MEIS2: variants seen among roughly 807,000 people sequenced by gnomAD.
The protein encoded by MEIS2 is homeobox protein Meis2.
A neutral mutation model predicts 58.6 loss-of-function variants in MEIS2; 9 were observed. The ratio of observed to expected loss-of-function variants is 0.15; its 90% confidence interval spans 0.09 to 0.27. The LOEUF (loss-of-function observed/expected upper bound fraction) is 0.27, where lower values mean the gene tolerates loss of function less well. Ranked by LOEUF, MEIS2 falls within the 10% of genes least tolerant of loss-of-function variation. The probability of loss-of-function intolerance (pLI) is 1.00; values close to 1 mark genes in which losing one functional copy is unlikely to be tolerated. For missense variants in MEIS2, 427 were observed against 635.0 expected, an observed-to-expected ratio of 0.67 and a Z score of 3.52; for synonymous variants, 221 against 228.4, an observed-to-expected ratio of 0.97 and a Z score of 0.29.
chr15:36,920,498 G>C (rs1203078738), intron 9 of MEIS2, among the ~76,000 whole-genome samples: 1 of 152,166 alleles, frequency 6.6e-6, no homozygotes, highest in Non-Finnish European at 1.5e-5. Context: ...AATTCTTAGA[G>C]ATCTTAGAAG....
chr15:37,076,176 G>T (rs1400358095), intron 7 of MEIS2, among the ~76,000 whole-genome samples: 1 of 151,920 alleles, frequency 6.6e-6, no homozygotes, highest in Non-Finnish European at 1.5e-5. Context: ...AAAATAAAAA[G>T]TGATTCTCCT....
intron 8 of MEIS2, among the ~76,000 whole-genome samples, chr15:36,970,100 T>C (rs1216317129): frequency 6.6e-6 from 1 of 152,160 alleles, no homozygotes; most frequent in African/African-American, 2.4e-5. Context: ...TAATATAGTT[T>C]TGTTTAAAAA....
chr15:37,057,842 G>T (rs1176264603), intron 7 of MEIS2, among the ~76,000 whole-genome samples: 6 of 152,202 alleles, frequency 3.9e-5, no homozygotes. Context: ...GCCGAGGCTT[G>T]TATCCTGTGC....
intron 9 of MEIS2, among the ~76,000 whole-genome samples, chr15:36,906,651 G>GAAAAAAAAAAAAAAAAAAAAAAAAAA (rs56715244): frequency 1.0e-5 from 1 of 96,554 alleles, no homozygotes. Context: ...AGCCACTCAA[G>GAAAAAAAAAAAAAAAAAAAAAAAAAA]AAAAAAAAAA....
At chr15:37,004,630 T>G (rs2060851225) in intron 8 of MEIS2, among the ~76,000 whole-genome samples, 1 of 152,208 alleles carries the variant, frequency 6.6e-6, no homozygotes, top group South Asian at 2.1e-4. Flanking sequence ...CCTCAAGGCC[T>G]GTCATTAGCA....
intron 8 of MEIS2, among the ~76,000 whole-genome samples, chr15:36,956,779 A>T (rs994867217): frequency 6.6e-6 from 1 of 152,078 alleles, no homozygotes; most frequent in African/African-American, 2.4e-5. Context: ...TTTACCTTTC[A>T]GTCACTTCAG....
intron 8 of MEIS2, among the ~76,000 whole-genome samples, chr15:36,964,728 G>C (rs968413589): frequency 1.3e-5 from 2 of 152,098 alleles, no homozygotes; most frequent in Non-Finnish European, 2.9e-5. Context: ...TACCCTAGTG[G>C]ATAAACATTT....
intron 2 of MEIS2, chr15:37,096,649 T>C (rs1894291394): frequency 2.2e-6 from 1 of 453,082 alleles, no homozygotes; most frequent in Non-Finnish European, 3.8e-6. Context: ...GTCCCTCAGA[T>C]CTGGCCAGAG....
rs1275126082 is a variant in MEIS2 at position 37,085,804 on chromosome 15, T to G, written c.640-1919A>C. Among the ~76,000 whole-genome samples the G allele has an allele frequency of 3.3e-5, 5 of 152,298 alleles. No individual in the cohort carries two copies. The South Asian group carries it at 1.0e-3, about 32-fold the overall frequency. ...ACAAAGTCATGCCTGTGAGCTCTCT[T>G]TTTAATCTAAGTTAGAAACCACTCC... On this transcript the variant is annotated intron_variant, in intron 6 of 11. Coordinates refer to ENST00000561208, the MANE Select transcript of MEIS2 (RefSeq NM_170675.5).
intron 8 of MEIS2, among the ~76,000 whole-genome samples, chr15:36,955,942 C>A (rs1453308920): frequency 2.1e-5 from 3 of 142,132 alleles, no homozygotes; most frequent in African/African-American, 8.0e-5. Flanking sequence ...CTTTGGGAGG[C>A]TGAGGTGGGT....
At chr15:37,059,265 G>A (rs1596038050) in intron 7 of MEIS2, among the ~76,000 whole-genome samples, 1 of 152,300 alleles carries the variant, frequency 6.6e-6, no homozygotes, top group East Asian at 1.9e-4. Flanking sequence ...ACTTAGAGCA[G>A]CTTGAAGCTC....
At chr15:37,022,027 A>G (rs1467933002) in intron 8 of MEIS2, among the ~76,000 whole-genome samples, 1 of 152,160 alleles carries the variant, frequency 6.6e-6, no homozygotes, top group Non-Finnish European at 1.5e-5. Context: ...TTGAGAATAT[A>G]GGTGACTTTC....
intron 9 of MEIS2, chr15:36,898,066 G>A (rs918535842): frequency 6.6e-6 from 1 of 152,154 alleles, no homozygotes; most frequent in Non-Finnish European, 1.5e-5. Flanking sequence ...GTGTTTGTTT[G>A]CAAAACAATG....
At chr15:37,073,321 CAA>C (rs1276497965) in intron 7 of MEIS2, among the ~76,000 whole-genome samples, 8 of 152,010 alleles carry the variant, frequency 5.3e-5, no homozygotes. Flanking sequence ...TAATCTGCAA[CAA>C]GCTCCCCCTA....
At chr15:36,960,075 TA>T (rs1308688564) in intron 8 of MEIS2, among the ~76,000 whole-genome samples, 1 of 152,144 alleles carries the variant, frequency 6.6e-6, no homozygotes, top group Non-Finnish European at 1.5e-5. Flanking sequence ...TAAGCAACAT[TA>T]AAAGCTATAA....
intron 9 of MEIS2, 144 bp from the exon 10 acceptor site, chr15:36,896,830 G>A: frequency 1.4e-6 from 1 of 710,496 alleles, no homozygotes; most frequent in Admixed American, 2.5e-5. Flanking sequence ...TTCCCTTTCA[G>A]CGTTCAAAAA....
intron 7 of MEIS2, among the ~76,000 whole-genome samples, chr15:37,076,895 G>T (rs908650413): frequency 6.6e-6 from 1 of 151,934 alleles, no homozygotes; most frequent in Non-Finnish European, 1.5e-5. Context: ...TTCATTCCAA[G>T]ATTTCATCTC....
rs893181755 is a variant in MEIS2, at chr15:36,970,185, T to C, written c.901-19785A>G. Among the ~76,000 whole-genome samples the C allele has an allele frequency of 3.4e-4, 52 of 152,116 alleles. No individual in the cohort carries two copies. In the East Asian group the frequency reaches 6.8e-3, roughly 20 times the overall value. ...TTGGGAGGCCAAGGCGGGAGGATCA[T>C]GAGGTCAGGAGATCCGGACCATCCT... On this transcript the variant is annotated intron_variant, in intron 8 of 11. Transcript: ENST00000561208.
At chr15:37,045,989 G>A (rs1270895883) in intron 7 of MEIS2, among the ~76,000 whole-genome samples, 1 of 151,990 alleles carries the variant, frequency 6.6e-6, no homozygotes, top group Non-Finnish European at 1.5e-5. Context: ...GAGCAGAAAG[G>A]GAAAAAAAGA....
Sources: gnomAD v4.1 joint callset for allele counts (sites outside exome capture counted in the v4.1 genomes callset) on GRCh38, gnomAD v4.1.1 for gene constraint, MANE v1.5 for transcripts, NCBI Gene and HGNC (gene_info 2026-07-23, HGNC 2026-07-21) for gene names.